GML: variants seen among roughly 807,000 people sequenced by gnomAD.
The protein encoded by GML is glycosylphosphatidylinositol anchored molecule like.
GML carries 5 observed loss-of-function variants against 8.2 expected under a neutral mutation model. The observed-to-expected ratio is 0.61, with a 90% CI of 0.32 to 1.28. GML has a LOEUF of 1.28. Among genes scored for constraint, GML ranks in the 50% most tolerant of loss-of-function variants. The pLI is 0.06. For synonymous variants in GML, 72 were observed against 69.0 expected, an observed-to-expected ratio of 1.04 and a Z score of -0.22; for missense variants, 191 against 198.3, an observed-to-expected ratio of 0.96 and a Z score of 0.22.
intron 3 of GML, among the ~76,000 whole-genome samples, chr8:142,844,416 A>C (rs1816478627): frequency 6.6e-6 from 1 of 152,216 alleles, no homozygotes; most frequent in Admixed American, 6.5e-5. Context: ...AAAATCGAAC[A>C]AAATAGTGCT....
In GML at chr8:142,841,237, T is replaced by C; in HGVS notation, c.181+12T>C. On this transcript the variant is annotated intron_variant, in intron 3 of 3. Coordinates refer to ENST00000220940, the MANE Select transcript of GML (RefSeq NM_002066.3). Reference sequence around the variant, plus strand: ...GACAATCTCCATTCGTAAGTACCTCTTTGTCATTTTGACACATTGTAGATT... The same window carrying C: ...GACAATCTCCATTCGTAAGTACCTCCTTGTCATTTTGACACATTGTAGATT... The C allele has an allele frequency of 5.6e-6, 7 of 1,246,476 alleles. No homozygotes were observed. The highest frequency in any genetic ancestry group is 8.3e-6 in the Non-Finnish European group (7 of 845,180). 77.2% of individuals were successfully genotyped at this position (1,246,476 alleles called of 1,614,324 possible). A position where few individuals can be genotyped will look rare whatever the true frequency, so the allele number is the denominator to read the frequency against.
At chr8:142,840,156 A>G (rs1200672112) in intron 1 of GML, among the ~76,000 whole-genome samples, 1 of 152,204 alleles carries the variant, frequency 6.6e-6, no homozygotes, top group African/African-American at 2.4e-5. Flanking sequence ...GAGCTGCCAC[A>G]TGAAGCAGCC....
In GML at chr8:142,846,453, A is replaced by G. The variant is rs756321470; in HGVS notation, c.240A>G (p.Val80=). The G allele has an allele frequency of 7.4e-6, 12 of 1,612,398 alleles. No homozygotes were observed. The highest frequency in any genetic ancestry group is 1.7e-5 in the Admixed American group (1 of 60,014). ...YKNCTNNCTF[V]YAAEQPPEAP... ...ACTGTACAAACAACTGCACATTTGT[A>G]TATGCAGCTGAACAGCCTCCTGAAG... Residue 80 remains valine, a synonymous_variant, in exon 4 of 4, where the codon GTA becomes GTG. Transcript: ENST00000220940.
intron 3 of GML, among the ~76,000 whole-genome samples, chr8:142,845,729 A>T (rs1816495739): frequency 6.6e-6 from 1 of 152,214 alleles, no homozygotes; most frequent in Non-Finnish European, 1.5e-5. Context: ...AGTGAAGATT[A>T]TTGATCACAT....
intron 1 of GML, among the ~76,000 whole-genome samples, chr8:142,838,402 C>A (rs1378994576): frequency 1.3e-5 from 2 of 152,130 alleles, no homozygotes; most frequent in African/African-American, 4.8e-5. Context: ...TGTCATTAGT[C>A]AACCGGAGAC....
rs951882484 is a variant in GML, at chr8:142,840,426, C to T, written c.-12C>T. 1 of 1,610,904 alleles carries T rather than the reference C, an allele frequency of 6.2e-7. No individual in the cohort carries two copies. On this transcript the variant is annotated 5_prime_UTR_variant, in exon 2 of 4. Transcript: ENST00000220940. ...GCTCCTTCCCTTCAGGTCCAGGCTC[C>T]TGCGTGAAGTGATGCTCCTCTTTGC...
At chr8:142,844,277 A>G (rs2130227035) in intron 3 of GML, among the ~76,000 whole-genome samples, 1 of 152,378 alleles carries the variant, frequency 6.6e-6, no homozygotes, top group South Asian at 2.1e-4. Flanking sequence ...TTTATACACA[A>G]TATCTGCACC....
chr8:142,836,470 T>TTTTCTC (rs1317298871), intron 1 of GML, among the ~76,000 whole-genome samples: 3 of 152,252 alleles, frequency 2.0e-5, no homozygotes, highest in East Asian at 3.8e-4. Context: ...TTAGTAATCT[T>TTTTCTC]TTTCTCTTTA....
intron 1 of GML, among the ~76,000 whole-genome samples, chr8:142,835,770 C>T (rs985305477): frequency 3.9e-5 from 6 of 152,196 alleles, no homozygotes; most frequent in Non-Finnish European, 8.8e-5. Context: ...TCCGAAACTG[C>T]ATTCGGCTCT....
chr8:142,840,237 C>T (rs952162680), intron 1 of GML, among the ~76,000 whole-genome samples, 179 bp from the exon 2 acceptor site: 6 of 152,160 alleles, frequency 3.9e-5, no homozygotes, highest in South Asian at 2.1e-4. Context: ...GGCGAAGCCT[C>T]GTGTGTGGGT....
intron 1 of GML, among the ~76,000 whole-genome samples, chr8:142,839,895 C>T (rs1255593749): frequency 6.6e-6 from 1 of 152,120 alleles, no homozygotes; most frequent in African/African-American, 2.4e-5. Context: ...GAGGGGAGTT[C>T]TCTCGTAATG....
Position 142,841,190 on chromosome 8 carries a change from C to T in GML, c.146C>T (p.Pro49Leu), listed in dbSNP as rs768613353. 1.7e-5 allele frequency: 27 copies of T among 1,563,478 alleles called. No homozygotes were observed. The highest frequency in any genetic ancestry group is 2.2e-5 in the East Asian group (1 of 44,552). Reference sequence around the variant, plus strand: ...AACTGTCCCAACATTAGAGTATGTCCGTATCATATTAGGCGCTGTATGACA... The same window carrying T: ...AACTGTCCCAACATTAGAGTATGTCTGTATCATATTAGGCGCTGTATGACA... ...DFNCPNIRVCPYHIRRCMTIS... is the reference protein window; with the variant it reads ...DFNCPNIRVCLYHIRRCMTIS... Residue 49 changes from proline (P) to leucine (L), a missense_variant, in exon 3 of 4, where the codon CCG becomes CTG. Physicochemically the swap from Pro to Leu is moderately conservative, Grantham distance 98. Transcript: ENST00000220940.
intron 3 of GML, among the ~76,000 whole-genome samples, chr8:142,845,510 A>G (rs905529112): frequency 3.3e-5 from 5 of 152,268 alleles, no homozygotes; most frequent in African/African-American, 4.8e-5. Flanking sequence ...CTGGTGTTAT[A>G]GAGGAGACAA....
At chr8:142,844,428 G>C (rs1405824189) in intron 3 of GML, among the ~76,000 whole-genome samples, 2 of 152,154 alleles carry the variant, frequency 1.3e-5, no homozygotes, top group East Asian at 3.8e-4. Context: ...AATAGTGCTA[G>C]TCACATAAGA....
intron 2 of GML, 126 bp from the exon 3 acceptor site, chr8:142,840,992 A>G: frequency 3.0e-6 from 2 of 656,792 alleles, no homozygotes; most frequent in Non-Finnish European, 5.6e-6. Context: ...TGAGCTGTGC[A>G]GGCTAGGAGA....
chr8:142,843,255 TACACACACACACACACACAC>T (rs55778635), intron 3 of GML, among the ~76,000 whole-genome samples: 6 of 140,000 alleles, frequency 4.3e-5, no homozygotes, highest in African/African-American at 1.1e-4. Context: ...AAAAGGTTCA[TACACACACACACACACACAC>T]ACACACACAC....
intron 3 of GML, among the ~76,000 whole-genome samples, chr8:142,842,221 CATT>C (rs1014624195): frequency 2.3e-4 from 35 of 152,316 alleles, no homozygotes; most frequent in African/African-American, 7.0e-4. Context: ...CTTCTGCTGT[CATT>C]GTAAGTTTCC....
chr8:142,846,405 T>C lies in GML; in HGVS notation c.192T>C (p.Ser64=). The part of the protein sequence containing the change: ...RCMTISIRIN[S]RELLVYKNCT... The stretch of plus-strand genomic sequence containing the variant: ...TGCTTCTTTTTTTAGGCATAAATTC[T>C]CGTGAACTACTTGTTTATAAGAACT... Residue 64 remains serine, a synonymous_variant, in exon 4 of 4, where the codon TCT becomes TCC. Coordinates refer to ENST00000220940, the MANE Select transcript of GML (RefSeq NM_002066.3). 6.3e-7 allele frequency: 1 copy of C among 1,589,004 alleles called. No homozygotes were observed. Among genetic ancestry groups the C allele is most frequent in the Non-Finnish European group, 8.6e-7 (1 of 1,165,562 alleles).
intron 3 of GML, among the ~76,000 whole-genome samples, chr8:142,845,312 T>C (rs905814054): frequency 8.5e-5 from 13 of 152,226 alleles, no homozygotes; most frequent in African/African-American, 3.1e-4. Context: ...GAGTGAAGAA[T>C]CCTGGGGCTC....
Sources: gnomAD v4.1 joint callset for allele counts (sites outside exome capture counted in the v4.1 genomes callset) on GRCh38, gnomAD v4.1.1 for gene constraint, MANE v1.5 for transcripts, NCBI Gene and HGNC (gene_info 2026-07-23, HGNC 2026-07-21) for gene names.